Variants in TGFB2 observed in about 807,000 individuals in gnomAD.
TGFB2 encodes the protein transforming growth factor beta 2.
A neutral mutation model predicts 42.7 loss-of-function variants in TGFB2; 13 were observed. The observed-to-expected ratio is 0.30, with a 90% CI of 0.20 to 0.48. The LOEUF (loss-of-function observed/expected upper bound fraction) is 0.48, where lower values mean the gene tolerates loss of function less well. Ranked by LOEUF, TGFB2 falls within the 20% of genes least tolerant of loss-of-function variation. TGFB2 has a pLI of 0.99. For missense variants in TGFB2, 390 were observed against 517.5 expected (o/e 0.75, Z 2.39); for synonymous variants, 193 against 193.6 (o/e 1.00, Z 0.03).
At chr1:218,359,875 A>G (rs1232247780) in intron 1 of TGFB2, among the ~76,000 whole-genome samples, 2 of 152,240 alleles carry the variant, frequency 1.3e-5, no homozygotes, top group African/African-American at 2.4e-5. Flanking sequence ...TGCAGTAAGA[A>G]TGGCTTTATC....
At chr1:218,421,821 C>T (rs1469755014) in intron 2 of TGFB2, among the ~76,000 whole-genome samples, 1 of 152,106 alleles carries the variant, frequency 6.6e-6, no homozygotes, top group Non-Finnish European at 1.5e-5. Context: ...CATGTGAAGA[C>T]TCAGTCACAG....
intron 1 of TGFB2, among the ~76,000 whole-genome samples, chr1:218,349,153 C>T (rs763754195): frequency 6.6e-6 from 1 of 152,108 alleles, no homozygotes; most frequent in Non-Finnish European, 1.5e-5. Context: ...ATAAAATATA[C>T]TGCCAGTTTT....
rs148623335 is a variant in TGFB2 at position 218,357,820 on chromosome 1, A to T, written c.346+10773A>T. Among the ~76,000 whole-genome samples the T allele has an allele frequency of 1.5e-4, 23 of 152,322 alleles. No homozygotes were observed. The East Asian group carries it at 4.4e-3, about 29-fold the overall frequency. ...ATCTATATGTCGGTAATTATGAAAC[A>T]GGTTATTTCTGAAGAAGAGACGCTG... On this transcript the variant is annotated intron_variant, in intron 1 of 6. Transcript: ENST00000366930.
At chr1:218,408,523 A>AT (rs1445038039) in intron 2 of TGFB2, among the ~76,000 whole-genome samples, 4 of 152,042 alleles carry the variant, frequency 2.6e-5, no homozygotes, top group East Asian at 1.9e-4. Flanking sequence ...AATAATAGCA[A>AT]TTTTTTTATC....
intron 2 of TGFB2, among the ~76,000 whole-genome samples, chr1:218,416,184 T>C (rs550207098): frequency 1.3e-5 from 2 of 152,268 alleles, no homozygotes; most frequent in African/African-American, 2.4e-5. Context: ...CTGACTCCAA[T>C]AGGGGTGTCT....
chr1:218,348,180 G>C (rs1295719391), intron 1 of TGFB2, among the ~76,000 whole-genome samples: 1 of 151,354 alleles, frequency 6.6e-6, no homozygotes, highest in Non-Finnish European at 1.5e-5. Context: ...GGGGTGGGGG[G>C]AACCTCTTCA....
intron 1 of TGFB2, among the ~76,000 whole-genome samples, chr1:218,383,583 C>A (rs941764834): frequency 3.3e-5 from 5 of 152,110 alleles, no homozygotes; most frequent in Non-Finnish European, 5.9e-5. Flanking sequence ...TGTCACACAG[C>A]CCTCAAGTGG....
At chr1:218,363,398 G>C (rs370087887) in intron 1 of TGFB2, 1 of 1,613,952 alleles carries the variant, frequency 6.2e-7, no homozygotes, top group South Asian at 1.1e-5. Flanking sequence ...GACAGTCCCA[G>C]GTGCTCTGTG....
rs1334752033 is a variant in TGFB2 at position 218,366,389 on chromosome 1, C to T, written c.346+19342C>T. 2.0e-5 allele frequency among the ~76,000 whole-genome samples: 3 copies of T among 152,184 alleles called. No individual in the cohort carries two copies. In the East Asian group the frequency reaches 5.8e-4, roughly 29 times the overall value. ...TAGCATGATCATAGCTCACTGTAAC[C>T]TCTAACTCCTGGGCTGAAGCAATCC... On this transcript the variant is annotated intron_variant, in intron 1 of 6. Coordinates refer to ENST00000366930, the MANE Select transcript of TGFB2 (RefSeq NM_003238.6).
At chr1:218,359,749 A>G (rs1657151882) in intron 1 of TGFB2, among the ~76,000 whole-genome samples, 1 of 152,202 alleles carries the variant, frequency 6.6e-6, no homozygotes, top group Non-Finnish European at 1.5e-5. Flanking sequence ...GCTATATCAC[A>G]AGAGAGATGC....
At chr1:218,409,094 T>A (rs542310112) in intron 2 of TGFB2, among the ~76,000 whole-genome samples, 2 of 152,248 alleles carry the variant, frequency 1.3e-5, no homozygotes, top group Non-Finnish European at 2.9e-5. Context: ...ATGCCGCCGC[T>A]AATCTGACAG....
intron 2 of TGFB2, among the ~76,000 whole-genome samples, chr1:218,415,760 G>T (rs1167891777): frequency 6.8e-6 from 1 of 147,426 alleles, no homozygotes; most frequent in East Asian, 2.0e-4. Context: ...GAAAGGAGGA[G>T]ACCTTTGCAG....
intron 1 of TGFB2, among the ~76,000 whole-genome samples, chr1:218,379,149 T>TTTTTG (rs1657864240): frequency 1.3e-5 from 2 of 151,234 alleles, no homozygotes; most frequent in African/African-American, 4.9e-5. Flanking sequence ...TTTTCTTTTT[T>TTTTTG]AGAGACGGAG....
chr1:218,372,887 A>C (rs371182289), intron 1 of TGFB2, among the ~76,000 whole-genome samples: 3 of 140,342 alleles, frequency 2.1e-5, no homozygotes, highest in Middle Eastern at 3.9e-3. Flanking sequence ...AGTTTTAGAA[A>C]GTTTCCCGGC....
intron 1 of TGFB2, among the ~76,000 whole-genome samples, chr1:218,404,723 A>C (rs575300423): frequency 6.6e-6 from 1 of 152,350 alleles, no homozygotes; most frequent in Admixed American, 6.5e-5. Context: ...AAAAAAGATT[A>C]TTTGGATGAC....
intron 1 of TGFB2, among the ~76,000 whole-genome samples, chr1:218,400,001 A>G (rs1658660491): frequency 6.6e-6 from 1 of 152,184 alleles, no homozygotes; most frequent in African/African-American, 2.4e-5. Flanking sequence ...ATAGATGAAG[A>G]AACAGGCTCA....
chr1:218,431,050 C>A (rs7554934), intron 2 of TGFB2, among the ~76,000 whole-genome samples: 14,776 of 152,210 alleles, frequency 0.097, 951 homozygotes, highest in African/African-American at 0.17. Flanking sequence ...GGGTTAAGAA[C>A]TCTTTGGCCA....
rs560941923 is a variant in TGFB2, at chr1:218,443,943, G to A, written c.*2581G>A. ...GACCAATTACGCTGTATTTTAACAC[G>A]ATGTATGTCTGTTTTTGTGGTGCTC... On this transcript the variant is annotated 3_prime_UTR_variant, in exon 7 of 7. Transcript: ENST00000366930. The A allele has an allele frequency of 5.3e-5, 8 of 152,184 alleles. No homozygotes were observed. Among genetic ancestry groups the A allele is most frequent in the African/African-American group, 1.4e-4 (6 of 41,536 alleles). 9.4% of individuals were successfully genotyped at this position (152,184 alleles called of 1,614,324 possible). A position where few individuals can be genotyped will look rare whatever the true frequency, so the allele number is the denominator to read the frequency against.
chr1:218,433,045 C>G (rs1378402333), intron 2 of TGFB2, among the ~76,000 whole-genome samples: 1 of 152,006 alleles, frequency 6.6e-6, no homozygotes, highest in Non-Finnish European at 1.5e-5. Flanking sequence ...ATAAATACAC[C>G]TTTCTTGAAA....
Sources: allele counts gnomAD v4.1 joint callset (sites outside exome capture counted in the v4.1 genomes callset), GRCh38; gene constraint gnomAD v4.1.1; transcripts MANE v1.5; gene names NCBI Gene and HGNC (gene_info 2026-07-23, HGNC 2026-07-21).